The following GPC3 variants were observed in gnomAD, a reference collection of about 807,000 sequenced individuals.
GPC3 encodes the protein glypican 3.
GPC3 carries 3 observed loss-of-function variants against 34.4 expected under a neutral mutation model. The observed-to-expected ratio is 0.09, with a 90% confidence interval of 0.04 to 0.23. GPC3 has a LOEUF of 0.23. Ranked by LOEUF, GPC3 falls within the 10% of genes least tolerant of loss-of-function variation. The pLI is 1.00. For synonymous variants in GPC3, 177 were observed against 174.0 expected (o/e 1.02, Z -0.13); for missense variants, 351 against 445.6 (o/e 0.79, Z 1.91).
chrX:133,874,662 T>C (rs559165253), intron 2 of GPC3, among the ~76,000 whole-genome samples: 12 of 112,013 alleles, frequency 1.1e-4, no homozygotes, highest in South Asian at 7.5e-4. Flanking sequence ...TTGCAGGAAA[T>C]TGGGCCAGCC....
At chrX:133,728,367 G>GGA (rs2071432524) in intron 3 of GPC3, among the ~76,000 whole-genome samples, 1 of 83,367 alleles carries the variant, frequency 1.2e-5, no homozygotes, top group South Asian at 5.6e-4. Flanking sequence ...AAGGAGGAGG[G>GGA]AAGGAAAGAA....
chrX:133,596,782 T>C (rs2069922758), intron 6 of GPC3, among the ~76,000 whole-genome samples, 183 bp from the exon 7 acceptor site: 2 of 112,241 alleles, frequency 1.8e-5, no homozygotes, highest in Admixed American at 1.9e-4. Context: ...CTTCTGAACC[T>C]TTCCATAGCA....
chrX:133,733,314 C>T (rs779791905), intron 3 of GPC3, among the ~76,000 whole-genome samples: 1 of 109,983 alleles, frequency 9.1e-6, no homozygotes, highest in South Asian at 3.9e-4. Context: ...AAGCCAGAGA[C>T]AAAAAAGAAA....
intron 3 of GPC3, among the ~76,000 whole-genome samples, chrX:133,720,481 C>T (rs1417213504): frequency 9.0e-6 from 1 of 111,593 alleles, no homozygotes; most frequent in African/African-American, 3.3e-5. Flanking sequence ...TTTTGCCTGC[C>T]GCCATCCATG....
intron 2 of GPC3, among the ~76,000 whole-genome samples, chrX:133,937,666 T>G (rs761693305): frequency 4.5e-4 from 50 of 112,057 alleles, no homozygotes; most frequent in African/African-American, 1.4e-3. Context: ...CTGGGTGATT[T>G]TTATGTTCTA....
intron 3 of GPC3, among the ~76,000 whole-genome samples, chrX:133,716,116 G>C (rs2071310962): frequency 8.9e-6 from 1 of 112,208 alleles, no homozygotes; most frequent in South Asian, 3.7e-4. Flanking sequence ...TTACAGAATT[G>C]GTTGAGAAAA....
At chrX:133,619,011 TA>T (rs951539857) in intron 6 of GPC3, among the ~76,000 whole-genome samples, 2 of 108,976 alleles carry the variant, frequency 1.8e-5, no homozygotes, top group Admixed American at 9.8e-5. Context: ...ATACCCAATT[TA>T]AAAAAAAATG....
At chrX:133,922,603 T>C (rs1380691983) in intron 2 of GPC3, among the ~76,000 whole-genome samples, 1 of 110,641 alleles carries the variant, frequency 9.0e-6, no homozygotes, top group African/African-American at 3.3e-5. Flanking sequence ...AAGGAGCAGC[T>C]GTTTATTCTC....
At chrX:133,945,167 G>A (rs755800743) in intron 2 of GPC3, among the ~76,000 whole-genome samples, 85 of 111,636 alleles carry the variant, frequency 7.6e-4, no homozygotes, top group Middle Eastern at 9.3e-3. Context: ...GAGGCGGGCA[G>A]ATAGCTTGAG....
At chrX:133,775,957 T>C (rs1044651246) in intron 2 of GPC3, among the ~76,000 whole-genome samples, 1 of 111,480 alleles carries the variant, frequency 9.0e-6, no homozygotes, top group African/African-American at 3.3e-5. Flanking sequence ...ACTGCAAAGT[T>C]AATGGAAAAT....
At chrX:133,666,353 G>A (rs1035412022) in intron 5 of GPC3, among the ~76,000 whole-genome samples, 3 of 112,135 alleles carry the variant, frequency 2.7e-5, no homozygotes, top group African/African-American at 9.7e-5. Context: ...CTCTATCCAT[G>A]TGCTATTTAA....
intron 6 of GPC3, among the ~76,000 whole-genome samples, chrX:133,648,663 A>C (rs962014673): frequency 9.0e-6 from 1 of 110,962 alleles, no homozygotes; most frequent in Non-Finnish European, 1.9e-5. Flanking sequence ...GGCCCTCCCA[A>C]ATTTTTTACC....
chrX:133,945,212 G>A (rs146426309), intron 2 of GPC3, among the ~76,000 whole-genome samples: 3,962 of 110,899 alleles, frequency 0.036, 65 homozygotes, highest in East Asian at 0.099. Flanking sequence ...GCAACATGGC[G>A]AAACTCCATC....
rs1324059880 is a variant in GPC3 at position 133,839,160 on chromosome X, C to A, written c.338-84984G>T. On this transcript the variant is annotated intron_variant, in intron 2 of 7. Coordinates refer to ENST00000370818, the MANE Select transcript of GPC3 (RefSeq NM_004484.4). The stretch of plus-strand genomic sequence containing the variant: ...CAGCAACACCATCTACTTTTCCTTT[C>A]TGGAGACTGCTGGAAGGGCCTTACT... Among the ~76,000 whole-genome samples the A allele has an allele frequency of 3.6e-5, 4 of 111,673 alleles. No homozygotes were observed. In the Admixed American group the frequency reaches 3.8e-4, roughly 11 times the overall value.
intron 2 of GPC3, among the ~76,000 whole-genome samples, chrX:133,838,786 C>T (rs1226292154): frequency 8.9e-6 from 1 of 111,802 alleles, no homozygotes. Context: ...ATTTTCTCCC[C>T]CAACATCTAC....
chrX:133,600,250 T>C (rs747859760), intron 6 of GPC3, among the ~76,000 whole-genome samples: 11 of 111,685 alleles, frequency 9.8e-5, no homozygotes, highest in Non-Finnish European at 1.7e-4. Context: ...TCCACAACCT[T>C]ATGAAAAAGG....
intron 2 of GPC3, among the ~76,000 whole-genome samples, chrX:133,875,404 T>A (rs2076012026): frequency 8.9e-6 from 1 of 111,770 alleles, no homozygotes; most frequent in East Asian, 2.8e-4. Context: ...CAGACAGCCC[T>A]AGAACACAGC....
chrX:133,770,781 C>T (rs905406269), intron 2 of GPC3, among the ~76,000 whole-genome samples: 3 of 112,193 alleles, frequency 2.7e-5, no homozygotes, highest in Non-Finnish European at 5.6e-5. Flanking sequence ...TTGTCACTAC[C>T]TCCCAATTGC....
At chrX:133,858,100 T>C (rs758186351) in intron 2 of GPC3, among the ~76,000 whole-genome samples, 2 of 111,497 alleles carry the variant, frequency 1.8e-5, no homozygotes, top group Non-Finnish European at 3.8e-5. Context: ...AGTGGAACAA[T>C]GGGAAACTCA....
Sources: gnomAD v4.1 joint callset for allele counts (sites outside exome capture counted in the v4.1 genomes callset) on GRCh38, gnomAD v4.1.1 for gene constraint, MANE v1.5 for transcripts, NCBI Gene and HGNC (gene_info 2026-07-23, HGNC 2026-07-21) for gene names.